Variants in NCAM1 observed in about 807,000 individuals in gnomAD.
NCAM1 encodes antigen recognized by monoclonal antibody 5.1H11.
A neutral mutation model predicts 109.8 loss-of-function variants in NCAM1; 14 were observed. The observed-to-expected ratio is 0.13, with a 90% CI of 0.08 to 0.20. The LOEUF (loss-of-function observed/expected upper bound fraction) is 0.20, where lower values mean the gene tolerates loss of function less well. NCAM1 is among the 10% of genes least tolerant of loss of function. The pLI is 1.00. For synonymous variants in NCAM1, 418 were observed against 442.9 expected (o/e 0.94, Z 0.70); for missense variants, 774 against 1,109.9 (o/e 0.70, Z 4.30).
At chr11:113,120,354 T>A (rs1555095784) in intron 1 of NCAM1, among the ~76,000 whole-genome samples, 2 of 152,182 alleles carry the variant, frequency 1.3e-5, no homozygotes, top group African/African-American at 4.8e-5. Flanking sequence ...CTTATCTTTT[T>A]TAGCACTCAG....
chr11:113,141,706 CAG>C (rs1250375080), intron 1 of NCAM1, among the ~76,000 whole-genome samples: 1 of 151,982 alleles, frequency 6.6e-6, no homozygotes, highest in African/African-American at 2.4e-5. Flanking sequence ...TAAAAATAGA[CAG>C]AAAGTGCTCA....
intron 1 of NCAM1, among the ~76,000 whole-genome samples, chr11:113,183,439 T>TA (rs1943393712): frequency 1.3e-5 from 2 of 152,188 alleles, no homozygotes; most frequent in Admixed American, 1.3e-4. Context: ...CCTTAGGAAA[T>TA]ACACGCAAAT....
chr11:113,231,216 G>T lies in NCAM1; in HGVS notation c.1090-429G>T. The T allele has an allele frequency of 6.5e-7, 1 of 1,536,150 alleles. No homozygotes were observed. The highest frequency in any genetic ancestry group is 8.7e-7 in the Non-Finnish European group (1 of 1,146,914). On this transcript the variant is annotated intron_variant, in intron 9 of 19. Transcript: ENST00000316851. ...CACAGGTACATGCACCATGGAACTGGCAAGTGGGCAGACAGAAAGGACAGG... is the reference window on the plus strand; with the variant it reads ...CACAGGTACATGCACCATGGAACTGTCAAGTGGGCAGACAGAAAGGACAGG...
At chr11:113,020,126 C>G (rs1287408389) in intron 1 of NCAM1, among the ~76,000 whole-genome samples, 1 of 152,216 alleles carries the variant, frequency 6.6e-6, no homozygotes, top group Non-Finnish European at 1.5e-5. Context: ...TAACCCCTTA[C>G]TTGTTCGCTG....
intron 1 of NCAM1, among the ~76,000 whole-genome samples, chr11:113,184,714 A>G (rs1943442063): frequency 6.6e-6 from 1 of 152,108 alleles, no homozygotes. Context: ...GGAATATGTC[A>G]GGCCGACCTG....
intron 15 of NCAM1, among the ~76,000 whole-genome samples, chr11:113,251,032 C>G (rs1459858872): frequency 6.6e-6 from 1 of 152,136 alleles, no homozygotes; most frequent in African/African-American, 2.4e-5. Context: ...AACTCCTGAC[C>G]TCAGGTGATC....
At chr11:113,197,455 T>G (rs1555111025) in intron 1 of NCAM1, among the ~76,000 whole-genome samples, 2 of 152,262 alleles carry the variant, frequency 1.3e-5, no homozygotes, top group African/African-American at 4.8e-5. Flanking sequence ...AGCTGTAATT[T>G]AATGCCTTTT....
intron 1 of NCAM1, among the ~76,000 whole-genome samples, chr11:113,066,817 G>C (rs951379958): frequency 7.9e-5 from 12 of 151,858 alleles, no homozygotes; most frequent in Admixed American, 7.2e-4. Context: ...TGGCTAACAC[G>C]GTGAAACCCC....
intron 1 of NCAM1, among the ~76,000 whole-genome samples, chr11:113,149,601 C>T (rs1323828469): frequency 4.6e-5 from 7 of 152,146 alleles, no homozygotes; most frequent in African/African-American, 1.4e-4. Context: ...TTTCTATTTC[C>T]CTCTCTGTCT....
rs782749472 is a variant in NCAM1, at chr11:113,108,798, CAG to C, written c.53-93578_53-93577del. Among the ~76,000 whole-genome samples, 59 of 142,758 alleles carry C rather than the reference CAG, an allele frequency of 4.1e-4. 1 individual carries two copies. The Middle Eastern group carries it at 0.01, about 25-fold the overall frequency. 93.7% of individuals were successfully genotyped at this position (142,758 alleles called of 152,430 possible). Reference sequence around the variant, plus strand: ...TTTTTTTTGTTTTTTTTTTTTGAGACAGAGTCTCACCCTGTCGCCCAGGCTAG... The same window carrying C: ...TTTTTTTTGTTTTTTTTTTTTGAGACAGTCTCACCCTGTCGCCCAGGCTAG... On this transcript the variant is annotated intron_variant, in intron 1 of 19. Transcript: ENST00000316851.
intron 1 of NCAM1, among the ~76,000 whole-genome samples, chr11:113,184,216 A>G (rs893297061): frequency 2.0e-5 from 3 of 152,248 alleles, no homozygotes; most frequent in Non-Finnish European, 4.4e-5. Context: ...TTGGGACTCC[A>G]TAGCTTTGAA....
At position 113,206,061 on chromosome 11, in the gene NCAM1, C is replaced by T. The variant is rs1591416632; in HGVS notation, c.509C>T (p.Ser170Phe). 2 of 1,613,922 alleles carry T rather than the reference C, an allele frequency of 1.2e-6. No individual in the cohort carries two copies. The highest frequency in any genetic ancestry group is 4.5e-5 in the East Asian group (2 of 44,864). Residue 170 changes from serine to phenylalanine, a missense_variant, in exon 5 of 20, where the codon TCC (serine) becomes TTC (phenylalanine). Physicochemically the swap from Ser to Phe is radical, Grantham distance 155. Around this residue, in one of 4 missense-constraint regions of NCAM1, gnomAD observed 523 missense variants for 784.2 expected, o/e 0.67. Transcript: ENST00000316851. ...LKKDVRFIVL[S>F]NNYLQIRGIK... ...CTTCTAGTCCGATTCATAGTCCTGTCCAACAACTACCTGCAGATCCGGGGC... is the reference window on the plus strand; with the variant it reads ...CTTCTAGTCCGATTCATAGTCCTGTTCAACAACTACCTGCAGATCCGGGGC...
chr11:113,234,640 A>G (rs1411702888), intron 13 of NCAM1, among the ~76,000 whole-genome samples: 1 of 152,256 alleles, frequency 6.6e-6, no homozygotes, highest in Non-Finnish European at 1.5e-5. Context: ...TTCCTGTTTA[A>G]GGTGGAATAA....
chr11:112,982,748 A>G (rs1951186964), intron 1 of NCAM1, among the ~76,000 whole-genome samples: 2 of 151,836 alleles, frequency 1.3e-5, no homozygotes, highest in African/African-American at 4.8e-5. Context: ...CACTAGCAAC[A>G]GAATTGAGGA....
chr11:113,217,939 A>G (rs562892789), intron 8 of NCAM1, among the ~76,000 whole-genome samples: 1 of 152,328 alleles, frequency 6.6e-6, no homozygotes, highest in South Asian at 2.1e-4. Context: ...AATATGACAC[A>G]TACAAACACC....
intron 8 of NCAM1, among the ~76,000 whole-genome samples, chr11:113,220,665 T>C (rs955925559): frequency 1.3e-4 from 18 of 137,446 alleles, no homozygotes; most frequent in Admixed American, 5.5e-4. Context: ...TGGAGTGCAG[T>C]GGTGCGATCT....
At chr11:113,271,363 C>T (rs1484622155) in intron 18 of NCAM1, among the ~76,000 whole-genome samples, 1 of 88,674 alleles carries the variant, frequency 1.1e-5, no homozygotes, top group Non-Finnish European at 1.9e-5. Context: ...TAGAGAGACT[C>T]TGTCTCAAAA....
chr11:113,267,272 G>A (rs1327256873), intron 17 of NCAM1, among the ~76,000 whole-genome samples: 1 of 152,236 alleles, frequency 6.6e-6, no homozygotes, highest in Non-Finnish European at 1.5e-5. Context: ...TGTCCTAGAT[G>A]CTGGGGAGAT....
intron 1 of NCAM1, among the ~76,000 whole-genome samples, chr11:113,125,287 G>A (rs1555096837): frequency 6.6e-6 from 1 of 152,148 alleles, no homozygotes; most frequent in Non-Finnish European, 1.5e-5. Flanking sequence ...CACCTATTAA[G>A]GAATGGACCA....
Sources: gnomAD v4.1 joint callset for allele counts (sites outside exome capture counted in the v4.1 genomes callset) on GRCh38, gnomAD v4.1.1 for gene constraint, gnomAD v4.1.1 regional missense constraint, MANE v1.5 for transcripts, NCBI Gene and HGNC (gene_info 2026-07-23, HGNC 2026-07-21) for gene names.